Variants in LRRC4C observed in about 807,000 individuals in gnomAD.
LRRC4C encodes the protein leucine rich repeat containing 4C.
Under a neutral mutation model 33.6 loss-of-function variants are expected in LRRC4C, and 5 were observed. That is an observed-to-expected ratio of 0.15 (90% CI 0.08 to 0.31). The LOEUF is 0.31. Among genes scored for constraint, LRRC4C ranks in the 10% least tolerant of loss-of-function variants. LRRC4C has a pLI of 1.00. For missense variants in LRRC4C, 560 were observed against 796.7 expected, an observed-to-expected ratio of 0.70 and a Z score of 3.58; for synonymous variants, 329 against 302.0, an observed-to-expected ratio of 1.09 and a Z score of -0.93.
At chr11:40,382,161 T>C (rs1453593377) in intron 3 of LRRC4C, among the ~76,000 whole-genome samples, 3 of 139,654 alleles carry the variant, frequency 2.1e-5, no homozygotes, top group Non-Finnish European at 4.6e-5. Flanking sequence ...TTTTTGTATT[T>C]CTAGTAGAGA....
chr11:40,432,445 C>G (rs933417658), intron 3 of LRRC4C, among the ~76,000 whole-genome samples: 1 of 152,132 alleles, frequency 6.6e-6, no homozygotes, highest in Non-Finnish European at 1.5e-5. Flanking sequence ...AAGAAAGAAG[C>G]CATTTCATGT....
chr11:41,389,232 T>G (rs1591407866), intron 1 of LRRC4C, among the ~76,000 whole-genome samples: 1 of 151,916 alleles, frequency 6.6e-6, no homozygotes, highest in East Asian at 2.0e-4. Context: ...TACATGTAGG[T>G]CCCACAAAAT....
chr11:40,213,105 G>A (rs1306743384), intron 5 of LRRC4C, among the ~76,000 whole-genome samples: 1 of 152,012 alleles, frequency 6.6e-6, no homozygotes, highest in Non-Finnish European at 1.5e-5. Context: ...TCAACTTAGA[G>A]CCACAAATCT....
At chr11:40,189,902 A>G (rs1164246369) in intron 5 of LRRC4C, among the ~76,000 whole-genome samples, 2 of 152,220 alleles carry the variant, frequency 1.3e-5, no homozygotes, top group African/African-American at 2.4e-5. Context: ...AATATTATTT[A>G]TAACAACTAG....
intron 3 of LRRC4C, among the ~76,000 whole-genome samples, chr11:40,617,203 T>C (rs1961948158): frequency 6.6e-6 from 1 of 151,770 alleles, no homozygotes; most frequent in South Asian, 2.1e-4. Context: ...TACACTTAGA[T>C]AGCTATATTT....
chr11:41,287,826 A>G (rs1949877200), intron 1 of LRRC4C, among the ~76,000 whole-genome samples: 1 of 152,196 alleles, frequency 6.6e-6, no homozygotes. Context: ...TGTCTCTTTC[A>G]TACACATTTT....
rs1053246701 is a variant in LRRC4C, at chr11:40,493,347, T to C, written c.-270+154795A>G. On this transcript the variant is annotated intron_variant, in intron 3 of 6. Coordinates refer to ENST00000528697, the MANE Select transcript of LRRC4C (RefSeq NM_001258419.2). ...AATATACCTGTGTAATCTACAGATA[T>C]GTAAGTTAAACAAGTCTTTTCCTTA... Among the ~76,000 whole-genome samples, 8 of 152,248 alleles carry C rather than the reference T, an allele frequency of 5.3e-5. No individual in the cohort carries two copies. In the South Asian group the frequency reaches 1.0e-3, roughly 20 times the overall value.
At chr11:40,202,485 C>T (rs12362640) in intron 5 of LRRC4C, among the ~76,000 whole-genome samples, 24,877 of 152,040 alleles carry the variant, frequency 0.16, 2,362 homozygotes, top group South Asian at 0.29. Context: ...CCACCATATG[C>T]AGGTCACATA....
intron 1 of LRRC4C, among the ~76,000 whole-genome samples, chr11:41,376,138 GA>G (rs78109145): frequency 0.057 from 8,433 of 148,694 alleles, 302 homozygotes; most frequent in South Asian, 0.091. Context: ...TGTAGAGAAA[GA>G]AAAAAAAAAT....
intron 3 of LRRC4C, among the ~76,000 whole-genome samples, chr11:40,460,203 A>G (rs1210149519): frequency 6.6e-6 from 1 of 152,088 alleles, no homozygotes; most frequent in Non-Finnish European, 1.5e-5. Context: ...ATATTATATT[A>G]TTTGAGCAAA....
intron 1 of LRRC4C, among the ~76,000 whole-genome samples, chr11:40,999,814 G>T (rs554089557): frequency 1.2e-4 from 19 of 152,092 alleles, no homozygotes; most frequent in Non-Finnish European, 4.4e-5. Flanking sequence ...AGGAATACCC[G>T]AGTTTCCCTA....
chr11:40,777,508 T>G (rs556848038), intron 2 of LRRC4C, among the ~76,000 whole-genome samples: 1 of 151,532 alleles, frequency 6.6e-6, no homozygotes, highest in African/African-American at 2.4e-5. Context: ...TGTTTTTTTT[T>G]TTTTTTTTTG....
intron 1 of LRRC4C, among the ~76,000 whole-genome samples, chr11:41,064,094 C>CA (rs758277245): frequency 5.1e-4 from 78 of 152,202 alleles, no homozygotes; most frequent in African/African-American, 1.4e-3. Flanking sequence ...TAGACACACA[C>CA]AAAAAAGTGA....
chr11:41,068,392 T>TC lies in LRRC4C; in HGVS notation c.-495-134670dup, dbSNP rs1348767335. Among the ~76,000 whole-genome samples, 19 of 148,582 alleles carry TC rather than the reference T, an allele frequency of 1.3e-4. No individual in the cohort carries two copies. In the South Asian group the frequency reaches 3.9e-3, roughly 30 times the overall value. On this transcript the variant is annotated intron_variant, in intron 1 of 6. Transcript: ENST00000528697. ...GGCAACAGAGTGGGACTCCGTCCCC[T>TC]CCCCCCAACAAAAAAAAATAAATAA...
chr11:40,678,289 C>T (rs931699211), intron 2 of LRRC4C, among the ~76,000 whole-genome samples: 2 of 151,824 alleles, frequency 1.3e-5, no homozygotes, highest in African/African-American at 4.8e-5. Context: ...CCCTGGAGCC[C>T]CTCCTCCTTC....
chr11:40,513,258 AAAAAAAAAAAAG>A (rs1388456434), intron 3 of LRRC4C, among the ~76,000 whole-genome samples: 2 of 151,522 alleles, frequency 1.3e-5, no homozygotes, highest in African/African-American at 4.8e-5. Flanking sequence ...CAAAAAAAAA[AAAAAAAAAAAAG>A]AAAAGAAAGA....
chr11:40,827,819 T>C (rs1301671439), intron 2 of LRRC4C, among the ~76,000 whole-genome samples: 1 of 151,812 alleles, frequency 6.6e-6, no homozygotes, highest in African/African-American at 2.4e-5. Context: ...ATTTTACATA[T>C]TTCATCTATC....
intron 1 of LRRC4C, among the ~76,000 whole-genome samples, chr11:41,155,926 A>G (rs1389811937): frequency 1.3e-5 from 2 of 152,098 alleles, no homozygotes; most frequent in Non-Finnish European, 2.9e-5. Context: ...GGCACCATAA[A>G]TCTGGAATTA....
rs79354254 is a variant in LRRC4C, at chr11:41,367,161, G to A, written c.-496+92270C>T. ...GATGAGGCTTTTGCTGGCCAGAAAA[G>A]ACATCTCTATATAGCTCAGTACATA... On this transcript the variant is annotated intron_variant, in intron 1 of 6. Transcript: ENST00000528697. Among the ~76,000 whole-genome samples the A allele has an allele frequency of 4.2e-3, 641 of 152,242 alleles. 3 individuals carry two copies. Among genetic ancestry groups the A allele is most frequent in the African/African-American group, 0.014 (564 of 41,536 alleles).
Sources: gnomAD v4.1 joint callset for allele counts (sites outside exome capture counted in the v4.1 genomes callset) on GRCh38, gnomAD v4.1.1 for gene constraint, MANE v1.5 for transcripts, NCBI Gene and HGNC (gene_info 2026-07-23, HGNC 2026-07-21) for gene names.